CSNK1D: variants seen among roughly 807,000 people sequenced by gnomAD.
The protein encoded by CSNK1D is casein kinase I isoform delta.
In CSNK1D, 16 loss-of-function variants were observed where a neutral mutation model predicts 46.6. The ratio of observed to expected loss-of-function variants is 0.34; its 90% CI spans 0.23 to 0.52. The LOEUF (loss-of-function observed/expected upper bound fraction) is 0.52. CSNK1D is among the 20% of genes least tolerant of loss of function. The pLI is 0.95. For synonymous variants in CSNK1D, 276 were observed against 228.2 expected (o/e 1.21, Z -1.89); for missense variants, 398 against 578.4 (o/e 0.69, Z 3.20).
intron 1 of CSNK1D, among the ~76,000 whole-genome samples, chr17:82,270,041 G>A (rs150624554): frequency 6.6e-6 from 1 of 152,348 alleles, no homozygotes; most frequent in Non-Finnish European, 1.5e-5. Flanking sequence ...CAAGGTGTGC[G>A]CTCCACAGGT....
chr17:82,250,313 A>G lies in CSNK1D; in HGVS notation c.886-711T>C. 2.9e-6 allele frequency: 2 copies of G among 701,400 alleles called. No individual in the cohort carries two copies. The highest frequency in any genetic ancestry group is 4.3e-6 in the Non-Finnish European group (2 of 461,372). 43.4% of individuals were successfully genotyped at this position (701,400 alleles called of 1,614,324 possible). On this transcript the variant is annotated intron_variant, in intron 6 of 8. Transcript: ENST00000314028. The surrounding 1 kb of genome is among the most constrained non-coding windows in gnomAD (Gnocchi z 4.6). ...GACACAGCCACGTTCACCAGGCAAC[A>G]CACAGACCGACACACCTGCGGCTGC...
Position 82,249,289 on chromosome 17 carries a change from G to T in CSNK1D, c.1057+142C>A. On this transcript the variant is annotated intron_variant, in intron 7 of 8. Coordinates refer to ENST00000314028, the MANE Select transcript of CSNK1D (RefSeq NM_001893.6). The surrounding 1 kb of genome is among the most constrained non-coding windows in gnomAD (Gnocchi z 6.7). ...TTTCTAAAGGCGCCTGGGCAGCCTGGCTCATCCACCCTCAGGAGCGAGCAT... is the reference window on the plus strand; with the variant it reads ...TTTCTAAAGGCGCCTGGGCAGCCTGTCTCATCCACCCTCAGGAGCGAGCAT... 2 of 950,468 alleles carry T rather than the reference G, an allele frequency of 2.1e-6. No homozygotes were observed. Among genetic ancestry groups the T allele is most frequent in the Non-Finnish European group, 3.1e-6 (2 of 648,250 alleles). 58.9% of individuals were successfully genotyped at this position (950,468 alleles called of 1,614,324 possible).
In CSNK1D at chr17:82,248,857, C is replaced by T. The variant is rs371775422; in HGVS notation, c.1197+18G>A. 79 of 1,605,612 alleles carry T rather than the reference C, an allele frequency of 4.9e-5. 1 individual carries two copies. The East Asian group carries it at 1.1e-3, about 22-fold the overall frequency. Reference sequence around the variant, plus strand: ...GGTAGCCCGAGGCCCAGCGCCCGCCCGGGAGCTCTGCACCTACCTGTGAGG... The same window carrying T: ...GGTAGCCCGAGGCCCAGCGCCCGCCTGGGAGCTCTGCACCTACCTGTGAGG... On this transcript the variant is annotated intron_variant, in intron 8 of 8. Transcript: ENST00000314028. This position sits in a 1 kb window ranked among gnomAD's most constrained non-coding sequence, Gnocchi z 4.1.
chr17:82,260,080 CTGGTGTACTGACTGATATGACTGA>C (rs2051287464), intron 2 of CSNK1D, among the ~76,000 whole-genome samples: 9 of 134,344 alleles, frequency 6.7e-5, no homozygotes, highest in African/African-American at 2.5e-4. Context: ...TGATGGTGTA[CTGGTGTACTGACTGATATGACTGA>C]TGGTGTACTG....
Position 82,250,373 on chromosome 17 carries a change from T to C in CSNK1D, c.886-771A>G. The C allele has an allele frequency of 4.9e-6, 2 of 409,988 alleles. No homozygotes were observed. The highest frequency in any genetic ancestry group is 9.2e-6 in the Non-Finnish European group (2 of 218,230). The allele number at this position is 409,988 out of a possible 1,614,324, so 25.4% of individuals were successfully genotyped here. A position where few individuals can be genotyped will look rare whatever the true frequency, so the allele number is the denominator to read the frequency against. On this transcript the variant is annotated intron_variant, in intron 6 of 8. Coordinates refer to ENST00000314028, the MANE Select transcript of CSNK1D (RefSeq NM_001893.6). The surrounding 1 kb of genome is among the most constrained non-coding windows in gnomAD (Gnocchi z 4.6). ...CGGCCAGCACCGCCCAGACTCCTCA[T>C]GCTGCCATTTACGGAAAACGCTGGC...
intron 8 of CSNK1D, chr17:82,247,543 C>G: frequency 2.0e-6 from 2 of 985,498 alleles, no homozygotes; most frequent in African/African-American, 1.7e-5. Context: ...GGGGAGCACT[C>G]TGGGCTCCTG....
At chr17:82,239,285 GACA>G (rs1239756890), downstream of CSNK1D, 2 of 119,978 alleles carry the variant, frequency 1.7e-5, no homozygotes, top group Non-Finnish European at 3.2e-5. Context: ...CATGCTTCGA[GACA>G]ACGTGACTTT....
chr17:82,242,940 T>A lies in CSNK1D; in HGVS notation c.*1841A>T. On this transcript the variant is annotated 3_prime_UTR_variant, in exon 9 of 9. Transcript: ENST00000314028. The stretch of plus-strand genomic sequence containing the variant: ...GGGCACTACATCGGGACCACAGATA[T>A]TTACAAAGCAAGCTTGCGCCACTTC... 1.0e-6 allele frequency: 1 copy of A among 985,394 alleles called. No individual in the cohort carries two copies. Among genetic ancestry groups the A allele is most frequent in the Non-Finnish European group, 1.2e-6 (1 of 829,922 alleles). The allele number at this position is 985,394 out of a possible 1,614,324, so 61.0% of individuals were successfully genotyped here. A position where few individuals can be genotyped will look rare whatever the true frequency, so the allele number is the denominator to read the frequency against.
Position 82,242,736 on chromosome 17 carries a change from A to G in CSNK1D, c.*2045T>C. The stretch of plus-strand genomic sequence containing the variant: ...AGTACACAAATACAGTGGCGATACA[A>G]ACGCACAGCTCGGAGACTGGCCGTC... On this transcript the variant is annotated 3_prime_UTR_variant, in exon 9 of 9. Transcript: ENST00000314028. 3.0e-6 allele frequency: 3 copies of G among 985,496 alleles called. No individual in the cohort carries two copies. Among genetic ancestry groups the G allele is most frequent in the Non-Finnish European group, 3.6e-6 (3 of 829,942 alleles). 61.0% of individuals were successfully genotyped at this position (985,496 alleles called of 1,614,324 possible).
intron 2 of CSNK1D, among the ~76,000 whole-genome samples, chr17:82,262,279 G>C (rs1460621263): frequency 1.3e-5 from 2 of 152,224 alleles, no homozygotes; most frequent in African/African-American, 2.4e-5. Context: ...TTCAGCAGTA[G>C]CCTGGGGGGC....
At position 82,273,581 on chromosome 17, in the gene CSNK1D, G is replaced by A. The variant is rs958238729; in HGVS notation, c.-200C>T. ...GGGCGGATGGGACAGTCCGAGCGCC[G>A]CCGCCGCTGCTCCGGCCCCTACCGG... On this transcript the variant is annotated 5_prime_UTR_variant, in exon 1 of 9. Coordinates refer to ENST00000314028, the MANE Select transcript of CSNK1D (RefSeq NM_001893.6). The surrounding 1 kb of genome is among the most constrained non-coding windows in gnomAD (Gnocchi z 5.1). 4.9e-6 allele frequency: 3 copies of A among 617,452 alleles called. No homozygotes were observed. The highest frequency in any genetic ancestry group is 8.2e-6 in the Non-Finnish European group (3 of 364,500). 38.2% of individuals were successfully genotyped at this position (617,452 alleles called of 1,614,324 possible).
chr17:82,240,368 C>T (rs1433533322), downstream of CSNK1D, among the ~76,000 whole-genome samples: 1 of 152,314 alleles, frequency 6.6e-6, no homozygotes, highest in East Asian at 1.9e-4. Context: ...CAGCCCGGGC[C>T]TCAGAGGACA....
At position 82,255,057 on chromosome 17, in the gene CSNK1D, T is replaced by C. The variant is rs1382922897; in HGVS notation, c.336+372A>G. The C allele has an allele frequency of 8.3e-6, 3 of 360,774 alleles. No individual in the cohort carries two copies. The highest frequency in any genetic ancestry group is 4.8e-5 in the African/African-American group (2 of 41,680). The allele number at this position is 360,774 out of a possible 1,614,324, so 22.3% of individuals were successfully genotyped here. A position where few individuals can be genotyped will look rare whatever the true frequency, so the allele number is the denominator to read the frequency against. ...TCGGAGCCTCGAGAAGCCAGTGAGC[T>C]GAGCCGCCGGAGCCTCGAGAAGCCA... On this transcript the variant is annotated intron_variant, in intron 3 of 8. Coordinates refer to ENST00000314028, the MANE Select transcript of CSNK1D (RefSeq NM_001893.6). This position sits in a 1 kb window ranked among gnomAD's most constrained non-coding sequence, Gnocchi z 5.9.
chr17:82,245,980 T>A, intron 8 of CSNK1D: 1 of 1,604,298 alleles, frequency 6.2e-7, no homozygotes. Context: ...ACTCACCCAG[T>A]GCTGCCTTCC....
intron 1 of CSNK1D, among the ~76,000 whole-genome samples, chr17:82,270,877 C>G (rs2051603967): frequency 6.6e-6 from 1 of 152,196 alleles, no homozygotes; most frequent in Admixed American, 6.5e-5. Flanking sequence ...GCCCGCAATC[C>G]CGTATCCAGC....
At chr17:82,246,439 C>A (rs1385331727) in intron 8 of CSNK1D, 1 of 1,166,020 alleles carries the variant, frequency 8.6e-7, no homozygotes, top group Non-Finnish European at 1.1e-6. Context: ...TAGTCCTGGG[C>A]AGGAGTTGAT....
downstream of CSNK1D, chr17:82,239,855 C>G: frequency 1.9e-6 from 1 of 521,470 alleles, no homozygotes; most frequent in Non-Finnish European, 2.9e-6. Context: ...GTCTTTGCAC[C>G]CTGTCCTCCA....
At position 82,273,146 on chromosome 17, in the gene CSNK1D, C is replaced by G. The variant is rs1390793469; in HGVS notation, c.76+160G>C. On this transcript the variant is annotated intron_variant, in intron 1 of 8. Transcript: ENST00000314028. This position sits in a 1 kb window ranked among gnomAD's most constrained non-coding sequence, Gnocchi z 5.1. ...CCACTGCCCTCCCCACCCCTGGCCGCGCTAGCCTAGTGGCCGTTGGGTTCT... is the reference window on the plus strand; with the variant it reads ...CCACTGCCCTCCCCACCCCTGGCCGGGCTAGCCTAGTGGCCGTTGGGTTCT... 3 of 720,750 alleles carry G rather than the reference C, an allele frequency of 4.2e-6. No homozygotes were observed. The highest frequency in any genetic ancestry group is 6.8e-6 in the Non-Finnish European group (3 of 442,484). The allele number at this position is 720,750 out of a possible 1,614,324, so 44.6% of individuals were successfully genotyped here.
downstream of CSNK1D, chr17:82,240,050 T>C (rs112902236): frequency 4.3e-4 from 535 of 1,233,816 alleles, 2 homozygotes; most frequent in African/African-American, 7.3e-3. Flanking sequence ...AGAGATGCCA[T>C]GTCCCTGCTC....
Sources: allele counts gnomAD v4.1 joint callset (sites outside exome capture counted in the v4.1 genomes callset), GRCh38; gene constraint gnomAD v4.1.1; non-coding constraint Gnocchi (gnomAD v3.1); transcripts MANE v1.5; gene names NCBI Gene and HGNC (gene_info 2026-07-23, HGNC 2026-07-21).